TMED3: variants seen among roughly 807,000 people sequenced by gnomAD.
The protein encoded by TMED3 is transmembrane emp24 domain-containing protein 3.
Under a neutral mutation model 15.0 loss-of-function variants are expected in TMED3, and 9 were observed. That is an observed-to-expected ratio of 0.60 (90% CI 0.36 to 1.04). The LOEUF is 1.04. TMED3 is among the 50% of genes least tolerant of loss of function. The probability of loss-of-function intolerance (pLI) is 0.01; values close to 1 mark genes in which losing one functional copy is unlikely to be tolerated. For missense variants in TMED3, 267 were observed against 278.9 expected (o/e 0.96, Z 0.30); for synonymous variants, 117 against 121.4 (o/e 0.96, Z 0.24).
chr15:79,367,361 G>A (rs900610777), intron 2 of TMED3, among the ~76,000 whole-genome samples: 2 of 152,168 alleles, frequency 1.3e-5, no homozygotes, highest in African/African-American at 4.8e-5. Flanking sequence ...GGTTTGCAGT[G>A]GGAGAAAGGG....
intron 2 of TMED3, among the ~76,000 whole-genome samples, chr15:79,402,531 A>C (rs12909185): frequency 1.3e-5 from 2 of 152,034 alleles, no homozygotes; most frequent in Admixed American, 6.6e-5. Flanking sequence ...TGTAACCCCA[A>C]CATTTTGGGA....
At chr15:79,347,434 G>A (rs1370151040) in intron 2 of TMED3, among the ~76,000 whole-genome samples, 1 of 152,100 alleles carries the variant, frequency 6.6e-6, no homozygotes, top group Non-Finnish European at 1.5e-5. Flanking sequence ...TATACTTAAT[G>A]GGCAGAAGAT....
intron 2 of TMED3, among the ~76,000 whole-genome samples, chr15:79,399,844 A>G (rs561753361): frequency 1.3e-5 from 2 of 152,282 alleles, no homozygotes; most frequent in African/African-American, 2.4e-5. Flanking sequence ...GGGGGCGTGG[A>G]TCTAAGCCAG....
intron 2 of TMED3, among the ~76,000 whole-genome samples, chr15:79,352,839 T>TATATAAAATATACATATAAAATATAC (rs1567030212): frequency 2.3e-5 from 3 of 130,006 alleles, no homozygotes; most frequent in African/African-American, 8.6e-5. Context: ...TTTATATATA[T>TATATAAAATATACATATAAAATATAC]ATATATAAAA....
chr15:79,336,217 G>A (rs1238597162), intron 2 of TMED3, among the ~76,000 whole-genome samples: 1 of 152,116 alleles, frequency 6.6e-6, no homozygotes, highest in Non-Finnish European at 1.5e-5. Flanking sequence ...CACGGAGGTG[G>A]GGCATTTCTT....
At chr15:79,320,908 T>C (rs577970341) in intron 2 of TMED3, among the ~76,000 whole-genome samples, 100 of 152,192 alleles carry the variant, frequency 6.6e-4, no homozygotes, top group Non-Finnish European at 1.4e-3. Flanking sequence ...GGGAAGGATC[T>C]GCTTTCATGC....
chr15:79,371,009 C>G (rs1180278401), intron 2 of TMED3, among the ~76,000 whole-genome samples: 1 of 152,226 alleles, frequency 6.6e-6, no homozygotes, highest in African/African-American at 2.4e-5. Context: ...GGCAGATGAA[C>G]TGTTACTAAT....
Position 79,314,013 on chromosome 15 carries a change from A to G in TMED3, c.417+8A>G. The G allele has an allele frequency of 6.2e-7, 1 of 1,614,052 alleles. No homozygotes were observed. The highest frequency in any genetic ancestry group is 8.5e-7 in the Non-Finnish European group (1 of 1,179,958). ...GTCACAGCTCTCACCCAGGTGAGTG[A>G]ACATTAGCAGTTCGGGGCTGCTGAA... is the stretch of plus-strand genomic sequence containing the variant. On this transcript the variant is annotated splice_region_variant and intron_variant, in intron 2 of 2. Transcript: ENST00000299705.
chr15:79,326,089 G>A (rs1262249970), downstream of TMED3, among the ~76,000 whole-genome samples: 4 of 152,240 alleles, frequency 2.6e-5, no homozygotes, highest in African/African-American at 7.2e-5. Flanking sequence ...ATCATAGCAC[G>A]TTAGAGGTTT....
At chr15:79,349,927 A>G (rs892942551) in intron 2 of TMED3, among the ~76,000 whole-genome samples, 6 of 152,148 alleles carry the variant, frequency 3.9e-5, no homozygotes, top group Non-Finnish European at 4.4e-5. Context: ...GATGCCACTC[A>G]CTTACTCTGT....
At chr15:79,330,542 G>A (rs12439577) in intron 2 of TMED3, among the ~76,000 whole-genome samples, 27,419 of 152,044 alleles carry the variant, frequency 0.18, 2,462 homozygotes, top group Admixed American at 0.24. Flanking sequence ...AGACGATACA[G>A]TAATTGGAAA....
chr15:79,315,755 G>A, intron 2 of TMED3, among the ~76,000 whole-genome samples: 1 of 152,182 alleles, frequency 6.6e-6, no homozygotes, highest in Non-Finnish European at 1.5e-5. Flanking sequence ...CCGCCACCTT[G>A]AACCATCTGT....
In TMED3 at chr15:79,322,476, G is replaced by A; in HGVS notation, c.*262G>A. 1 of 1,294,888 alleles carries A rather than the reference G, an allele frequency of 7.7e-7. No individual in the cohort carries two copies. Among genetic ancestry groups the A allele is most frequent in the Non-Finnish European group, 9.8e-7 (1 of 1,019,162 alleles). The allele number at this position is 1,294,888 out of a possible 1,614,324, so 80.2% of individuals were successfully genotyped here. On this transcript the variant is annotated 3_prime_UTR_variant, in exon 3 of 3. Coordinates refer to ENST00000299705, the MANE Select transcript of TMED3 (RefSeq NM_007364.4). ...AACTAGGCCAGGGATTAGCCACTGT[G>A]GGAGGGTGGACAGGCAATGGTTCAG...
At chr15:79,336,943 G>T (rs1404741074) in intron 2 of TMED3, among the ~76,000 whole-genome samples, 2 of 152,174 alleles carry the variant, frequency 1.3e-5, no homozygotes, top group African/African-American at 4.8e-5. Context: ...CAAATGCTTT[G>T]TGCATCTGTC....
chr15:79,393,848 A>G (rs1452080655), intron 2 of TMED3, among the ~76,000 whole-genome samples: 1 of 152,046 alleles, frequency 6.6e-6, no homozygotes, highest in Non-Finnish European at 1.5e-5. Context: ...GGTGCATGCC[A>G]CCTTGCCCAA....
At chr15:79,312,658 T>C (rs1348967371) in intron 1 of TMED3, among the ~76,000 whole-genome samples, 3 of 152,194 alleles carry the variant, frequency 2.0e-5, no homozygotes, top group African/African-American at 7.2e-5. Flanking sequence ...AGATTTTGCT[T>C]TATGTGGGTC....
At chr15:79,406,377 G>A (rs2141259176) in intron 2 of TMED3, among the ~76,000 whole-genome samples, 1 of 152,298 alleles carries the variant, frequency 6.6e-6, no homozygotes, top group African/African-American at 2.4e-5. Flanking sequence ...TAGAGGGTAG[G>A]TCTGTGGATA....
chr15:79,365,655 C>T (rs1370825330), intron 2 of TMED3, among the ~76,000 whole-genome samples: 1 of 152,244 alleles, frequency 6.6e-6, no homozygotes, highest in Non-Finnish European at 1.5e-5. Context: ...TAAATCAGCA[C>T]TTTACGTAAG....
chr15:79,399,216 T>C (rs1199936520), intron 2 of TMED3, among the ~76,000 whole-genome samples: 1 of 152,086 alleles, frequency 6.6e-6, no homozygotes, highest in Non-Finnish European at 1.5e-5. Flanking sequence ...CAGCAAAATC[T>C]TAATCTCATT....
Sources: allele counts gnomAD v4.1 joint callset (sites outside exome capture counted in the v4.1 genomes callset), GRCh38; gene constraint gnomAD v4.1.1; transcripts MANE v1.5; gene names NCBI Gene and HGNC (gene_info 2026-07-23, HGNC 2026-07-21).